Variants in SLC44A5 observed in about 807,000 individuals in gnomAD.
The protein encoded by SLC44A5 is choline transporter-like protein 5.
In SLC44A5, 57 loss-of-function variants were observed where a neutral mutation model predicts 101.8. That is an observed-to-expected ratio of 0.56 (90% CI 0.45 to 0.70). SLC44A5 has a LOEUF of 0.70. Ranked by LOEUF, SLC44A5 falls within the 30% of genes least tolerant of loss-of-function variation. SLC44A5 has a pLI of 0.00. For synonymous variants in SLC44A5, 281 were observed against 290.9 expected (o/e 0.97, Z 0.35); for missense variants, 737 against 853.1 (o/e 0.86, Z 1.70).
chr1:75,715,459 T>A, the SLC44A5 span, among the ~76,000 whole-genome samples: 1 of 151,998 alleles, frequency 6.6e-6, no homozygotes, highest in Non-Finnish European at 1.5e-5. Context: ...TAAAGACCAA[T>A]GGAATAGAAT....
the SLC44A5 span, among the ~76,000 whole-genome samples, chr1:75,705,270 CCCTTT>C: frequency 6.6e-6 from 1 of 152,054 alleles, no homozygotes; most frequent in Admixed American, 6.5e-5. Context: ...TCTTATACTC[CCCTTT>C]CTAGTTTTAG....
At chr1:75,225,414 CAT>C (rs1486579200) in intron 13 of SLC44A5, among the ~76,000 whole-genome samples, 1 of 152,160 alleles carries the variant, frequency 6.6e-6, no homozygotes, top group Non-Finnish European at 1.5e-5. Flanking sequence ...TTAAGCAACA[CAT>C]GACTATCCTA....
chr1:75,644,880 T>C, the SLC44A5 span, among the ~76,000 whole-genome samples: 2 of 144,310 alleles, frequency 1.4e-5, no homozygotes, highest in South Asian at 4.6e-4. Context: ...AGTGAGAACA[T>C]GCGGTGTTTG....
chr1:75,678,146 G>C, the SLC44A5 span, among the ~76,000 whole-genome samples: 2 of 152,198 alleles, frequency 1.3e-5, no homozygotes, highest in South Asian at 4.1e-4. Context: ...TAGCACAGCA[G>C]TCTGAGATCA....
intron 4 of SLC44A5, among the ~76,000 whole-genome samples, chr1:75,333,661 T>G (rs1286597901): frequency 6.6e-6 from 1 of 152,098 alleles, no homozygotes; most frequent in African/African-American, 2.4e-5. Flanking sequence ...CCCAACAAAG[T>G]TTGAAGTTCA....
intron 9 of SLC44A5, 51 bp from the exon 10 acceptor site, chr1:75,238,687 A>G (rs767809885): frequency 1.6e-6 from 2 of 1,243,634 alleles, no homozygotes; most frequent in Non-Finnish European, 2.2e-6. Flanking sequence ...TTCTTCTTTA[A>G]TGATGTCCTC....
intron 5 of SLC44A5, among the ~76,000 whole-genome samples, chr1:75,279,123 T>C (rs1233457185): frequency 6.6e-6 from 1 of 152,102 alleles, no homozygotes; most frequent in Non-Finnish European, 1.5e-5. Flanking sequence ...GTTTCCCCAC[T>C]GTACTGTCAG....
At chr1:75,306,804 G>A (rs1223670365) in intron 4 of SLC44A5, among the ~76,000 whole-genome samples, 1 of 136,640 alleles carries the variant, frequency 7.3e-6, no homozygotes, top group Non-Finnish European at 1.5e-5. Context: ...GAGCAATCTC[G>A]GCTCACTGCA....
intron 2 of SLC44A5, among the ~76,000 whole-genome samples, chr1:75,503,630 C>T (rs1557854167): frequency 6.6e-6 from 1 of 152,210 alleles, no homozygotes; most frequent in Non-Finnish European, 1.5e-5. Flanking sequence ...AGCACTAACA[C>T]ACTCTTATAA....
At chr1:75,537,727 C>G (rs1239959553) in intron 2 of SLC44A5, among the ~76,000 whole-genome samples, 1 of 152,188 alleles carries the variant, frequency 6.6e-6, no homozygotes, top group African/African-American at 2.4e-5. Context: ...TTTCAGAATC[C>G]ATTTCTGCTT....
chr1:75,256,488 T>C (rs1650031121), intron 6 of SLC44A5, among the ~76,000 whole-genome samples: 1 of 152,156 alleles, frequency 6.6e-6, no homozygotes, highest in Non-Finnish European at 1.5e-5. Context: ...ATCAAGGACA[T>C]GGTACAAATA....
At chr1:75,337,775 T>C (rs745500193) in intron 4 of SLC44A5, among the ~76,000 whole-genome samples, 13 of 152,128 alleles carry the variant, frequency 8.5e-5, no homozygotes, top group African/African-American at 1.2e-4. Flanking sequence ...ACAAATTCAG[T>C]TGGGTGGTGA....
At chr1:75,552,718 T>C (rs1292777473) in intron 1 of SLC44A5, among the ~76,000 whole-genome samples, 6 of 152,020 alleles carry the variant, frequency 3.9e-5, no homozygotes. Context: ...ATCTATCCTT[T>C]TGGAGTGTCT....
intron 2 of SLC44A5, among the ~76,000 whole-genome samples, chr1:75,511,095 A>C (rs1669546218): frequency 6.6e-6 from 1 of 152,182 alleles, no homozygotes; most frequent in South Asian, 2.1e-4. Context: ...GCGAGCTGAG[A>C]TCGCGCAACT....
chr1:75,429,779 A>G (rs1225216692), intron 2 of SLC44A5, among the ~76,000 whole-genome samples: 2 of 152,016 alleles, frequency 1.3e-5, no homozygotes, highest in African/African-American at 4.8e-5. Context: ...CAGAGTGAGA[A>G]CTCACTCATT....
chr1:75,577,463 C>T (rs571762889), intron 1 of SLC44A5, among the ~76,000 whole-genome samples: 2 of 152,302 alleles, frequency 1.3e-5, no homozygotes, highest in African/African-American at 2.4e-5. Context: ...CACTTATTCC[C>T]TCTTTCTGGG....
chr1:75,698,121 C>T, the SLC44A5 span, among the ~76,000 whole-genome samples: 1 of 152,320 alleles, frequency 6.6e-6, no homozygotes, highest in Admixed American at 6.5e-5. Flanking sequence ...AACAAAGCAG[C>T]TTGGAAGCTC....
At chr1:75,604,315 C>A (rs772717228) in intron 1 of SLC44A5, among the ~76,000 whole-genome samples, 2 of 151,946 alleles carry the variant, frequency 1.3e-5, no homozygotes, top group African/African-American at 2.4e-5. Flanking sequence ...TGAAGGTCAG[C>A]TGGCTATAGG....
At chr1:75,528,486 A>C (rs1670545969) in intron 2 of SLC44A5, among the ~76,000 whole-genome samples, 1 of 152,324 alleles carries the variant, frequency 6.6e-6, no homozygotes, top group South Asian at 2.1e-4. Flanking sequence ...TGCACCAAAC[A>C]CAAAAGCACT....
Sources: gnomAD v4.1 joint callset for allele counts (sites outside exome capture counted in the v4.1 genomes callset) on GRCh38, gnomAD v4.1.1 for gene constraint, MANE v1.5 for transcripts, NCBI Gene and HGNC (gene_info 2026-07-23, HGNC 2026-07-21) for gene names.